The following TRAPPC9 variants were observed in gnomAD, a reference collection of about 807,000 sequenced individuals.
TRAPPC9 encodes IKK2 binding protein.
In TRAPPC9, 83 loss-of-function variants were observed where a neutral mutation model predicts 124.0. That is an observed-to-expected ratio of 0.67 (90% CI 0.56 to 0.80). The LOEUF (loss-of-function observed/expected upper bound fraction) is 0.80, where lower values mean the gene tolerates loss of function less well. Among genes scored for constraint, TRAPPC9 ranks in the 30% least tolerant of loss-of-function variants. TRAPPC9 has a pLI of 0.00. For synonymous variants in TRAPPC9, 638 were observed against 617.5 expected (o/e 1.03, Z -0.49); for missense variants, 1,302 against 1,508.3 (o/e 0.86, Z 2.27).
chr8:140,065,437 G>A (rs930862420), intron 17 of TRAPPC9, among the ~76,000 whole-genome samples: 5 of 152,234 alleles, frequency 3.3e-5, no homozygotes, highest in African/African-American at 1.2e-4. Flanking sequence ...TCTACTAGAA[G>A]AAGATGCCAT....
In TRAPPC9 at chr8:139,776,783, A is replaced by C. The variant is rs977965502; in HGVS notation, c.3056-44581T>G. ...TAAATCTTACCTGGGAAACGACTGC[A>C]TAAGAAGTTCCTCAGGGAAAACAAA... is the stretch of plus-strand genomic sequence containing the variant. On this transcript the variant is annotated intron_variant, in intron 21 of 22. Coordinates refer to ENST00000438773, the MANE Select transcript of TRAPPC9 (RefSeq NM_001160372.4). The surrounding 1 kb of genome is among the most constrained non-coding windows in gnomAD (Gnocchi z 4.1). Among the ~76,000 whole-genome samples the C allele has an allele frequency of 6.6e-6, 1 of 152,226 alleles. No individual in the cohort carries two copies. Among genetic ancestry groups the C allele is most frequent in the Admixed American group, 6.5e-5 (1 of 15,288 alleles).
chr8:139,885,624 G>C (rs146582682), intron 21 of TRAPPC9, among the ~76,000 whole-genome samples: 1 of 152,232 alleles, frequency 6.6e-6, no homozygotes. Flanking sequence ...CTGTTTCAAC[G>C]GGCGATGAGC....
chr8:140,450,945 C>T lies in TRAPPC9; in HGVS notation c.429G>A (p.Thr143=), dbSNP rs369511113. 1.1e-5 allele frequency: 18 copies of T among 1,614,162 alleles called. No homozygotes were observed. In the African/African-American group the frequency reaches 2.1e-4, roughly 19 times the overall value. Residue 143 remains threonine (T), a synonymous_variant, in exon 2 of 23, where the codon ACG becomes ACA. Transcript: ENST00000438773. ...AFYPNYEDCQ[T]VEKRIEDFIE... is the part of the protein sequence containing the mutation. ...TGAAGTCCTCGATTCTCTTCTCCAC[C>T]GTCTGGCAGTCCTCGTAGTTGGGGT... is the stretch of plus-strand genomic sequence containing the variant.
Position 140,287,608 on chromosome 8 carries a change from C to T in TRAPPC9, c.1981G>A (p.Gly661Ser), listed in dbSNP as rs1454037238. ...GGAAGCATGAAGGGACTCTCCTTAC[C>T]GTTCACAGTAATCGTTCCAGTCGTC... is the stretch of plus-strand genomic sequence containing the variant. ...PQTTGTITVN[G>S]YHTTVFGVFS... is the part of the protein sequence containing the mutation. The change falls in exon 13 of 23, where the codon GGT becomes AGT. Residue 661 changes from glycine (G) to serine (S), a missense_variant and splice_region_variant. Gly to Ser is a moderately conservative substitution (Grantham distance 56, BLOSUM62 0). Transcript: ENST00000438773. 10 of 1,613,992 alleles carry T rather than the reference C, an allele frequency of 6.2e-6. No individual in the cohort carries two copies. Among genetic ancestry groups the T allele is most frequent in the South Asian group, 2.2e-5 (2 of 91,078 alleles).
intron 21 of TRAPPC9, among the ~76,000 whole-genome samples, chr8:139,867,267 A>G (rs1043539699): frequency 1.3e-5 from 2 of 152,238 alleles, no homozygotes; most frequent in Non-Finnish European, 2.9e-5. Flanking sequence ...AATGATGCAG[A>G]CAGGTCAAGA....
chr8:140,239,829 C>T (rs1379753420), intron 16 of TRAPPC9, among the ~76,000 whole-genome samples: 1 of 152,222 alleles, frequency 6.6e-6, no homozygotes, highest in Non-Finnish European at 1.5e-5. Flanking sequence ...AGATTCCAAT[C>T]ACCTTTGTCT....
chr8:139,928,843 G>A (rs555159642), intron 19 of TRAPPC9, among the ~76,000 whole-genome samples: 4 of 151,402 alleles, frequency 2.6e-5, no homozygotes, highest in African/African-American at 7.3e-5. Flanking sequence ...TTTATCTCTA[G>A]GAAACCACAG....
intron 20 of TRAPPC9, among the ~76,000 whole-genome samples, chr8:139,899,521 T>C (rs1053186834): frequency 1.3e-5 from 2 of 152,324 alleles, no homozygotes; most frequent in Middle Eastern, 3.4e-3. Flanking sequence ...CTGGTCTTGC[T>C]GTCTCAGGGG....
At chr8:140,304,465 T>C (rs982188035) in intron 10 of TRAPPC9, among the ~76,000 whole-genome samples, 4 of 152,058 alleles carry the variant, frequency 2.6e-5, no homozygotes, top group African/African-American at 9.7e-5. Flanking sequence ...GTTTGGTTGA[T>C]ATATGAAGAC....
intron 21 of TRAPPC9, among the ~76,000 whole-genome samples, chr8:139,857,650 A>G (rs1280297421): frequency 6.6e-6 from 1 of 152,216 alleles, no homozygotes; most frequent in Non-Finnish European, 1.5e-5. Flanking sequence ...TCAGGAGCTG[A>G]GCATGGGGCC....
intron 6 of TRAPPC9, among the ~76,000 whole-genome samples, chr8:140,403,614 T>C (rs1413627829): frequency 6.6e-6 from 1 of 152,090 alleles, no homozygotes; most frequent in Non-Finnish European, 1.5e-5. Context: ...GTTAATAACC[T>C]TTTTGGAGGA....
At chr8:140,186,030 G>C (rs1452538013) in intron 17 of TRAPPC9, among the ~76,000 whole-genome samples, 2 of 152,070 alleles carry the variant, frequency 1.3e-5, no homozygotes, top group Non-Finnish European at 2.9e-5. Context: ...GTGACGCTGG[G>C]GTATTGTTAC....
chr8:139,897,372 C>T lies in TRAPPC9; in HGVS notation c.2965-11403G>A, dbSNP rs1473072336. Among the ~76,000 whole-genome samples, 4 of 152,208 alleles carry T rather than the reference C, an allele frequency of 2.6e-5. No individual in the cohort carries two copies. In the East Asian group the frequency reaches 5.8e-4, roughly 22 times the overall value. On this transcript the variant is annotated intron_variant, in intron 20 of 22. Transcript: ENST00000438773. ...ACCAGCAAGATGAATGAGGAGGCAG[C>T]CCCACCTTCCCAACTGCTTAGCTTC... is the stretch of plus-strand genomic sequence containing the variant.
chr8:139,976,668 C>T (rs1836498824), intron 19 of TRAPPC9, among the ~76,000 whole-genome samples: 1 of 152,186 alleles, frequency 6.6e-6, no homozygotes, highest in African/African-American at 2.4e-5. Flanking sequence ...TCCCATCAGC[C>T]CTTGGAGAGG....
intron 17 of TRAPPC9, chr8:140,098,969 C>A (rs2060512809): frequency 6.6e-6 from 1 of 150,700 alleles, no homozygotes; most frequent in Non-Finnish European, 1.5e-5. Context: ...CACAAAGTAA[C>A]AACGTCCGCC....
chr8:139,988,637 T>A, intron 19 of TRAPPC9, 89 bp downstream of exon 19: 1 of 854,374 alleles, frequency 1.2e-6, no homozygotes, highest in Non-Finnish European at 1.9e-6. Context: ...CTCTGAGGAC[T>A]TGGGGTGGAT....
chr8:139,799,986 T>C lies in TRAPPC9; in HGVS notation c.3056-67784A>G, dbSNP rs528973392. ...GCAGCAGCTGAGACAGACACGGAGA[T>C]GGACAAAGGGCAGGACTAGCTCCAG... On this transcript the variant is annotated intron_variant, in intron 21 of 22. Transcript: ENST00000438773. 2.0e-5 allele frequency among the ~76,000 whole-genome samples: 3 copies of C among 152,174 alleles called. No homozygotes were observed. In the East Asian group the frequency reaches 5.8e-4, roughly 29 times the overall value.
chr8:139,812,216 T>C (rs1286219946), intron 21 of TRAPPC9, among the ~76,000 whole-genome samples: 1 of 152,134 alleles, frequency 6.6e-6, no homozygotes, highest in African/African-American at 2.4e-5. Context: ...ATTATAATTC[T>C]AGAAAAAGCA....
At chr8:139,803,341 C>G in intron 21 of TRAPPC9, among the ~76,000 whole-genome samples, 1 of 152,258 alleles carries the variant, frequency 6.6e-6, no homozygotes, top group East Asian at 1.9e-4. Context: ...CTGCCCTGCC[C>G]TCCAGCCCCG....
Sources: gnomAD v4.1 joint callset for allele counts (sites outside exome capture counted in the v4.1 genomes callset) on GRCh38, gnomAD v4.1.1 for gene constraint, Gnocchi (gnomAD v3.1) non-coding constraint, MANE v1.5 for transcripts, NCBI Gene and HGNC (gene_info 2026-07-23, HGNC 2026-07-21) for gene names.